The following APLP1 variants were observed in gnomAD, a reference collection of about 807,000 sequenced individuals.
The protein encoded by APLP1 is amyloid beta precursor like protein 1.
A neutral mutation model predicts 84.5 loss-of-function variants in APLP1; 46 were observed. That is an observed-to-expected ratio of 0.54 (90% confidence interval 0.43 to 0.70). The LOEUF is 0.70. APLP1 is among the 30% of genes least tolerant of loss of function. APLP1 has a pLI of 0.00. For synonymous variants in APLP1, 376 were observed against 364.0 expected, an observed-to-expected ratio of 1.03 and a Z score of -0.38; for missense variants, 826 against 900.2, an observed-to-expected ratio of 0.92 and a Z score of 1.05.
chr19:35,877,938 T>C (rs926292562), intron 12 of APLP1, 113 bp downstream of exon 12: 23 of 1,285,942 alleles, frequency 1.8e-5, no homozygotes, highest in Non-Finnish European at 2.2e-5. Context: ...TGGGAGAGGA[T>C]GAGGAGGAAC....
intron 2 of APLP1, 28 bp from the exon 3 acceptor site, chr19:35,870,868 G>C: frequency 6.3e-7 from 1 of 1,594,416 alleles, no homozygotes; most frequent in Non-Finnish European, 8.5e-7. Context: ...GGGGCAGTGG[G>C]CTGATTGCCC....
chr19:35,872,515 G>T lies in APLP1; in HGVS notation c.883G>T (p.Asp295Tyr). ...TPTPRPTDGV[D>Y]IYFGMPGEIS... ...CACCCCGAGGCCCACAGACGGTGTGGATATTTACTTTGGCATGCCTGGGGA... is the reference window on the plus strand; with the variant it reads ...CACCCCGAGGCCCACAGACGGTGTGTATATTTACTTTGGCATGCCTGGGGA... Residue 295 changes from aspartate to tyrosine, a missense_variant, in exon 7 of 17, where the codon GAT becomes TAT. Coordinates refer to ENST00000221891, the MANE Select transcript of APLP1 (RefSeq NM_001024807.3). 6.2e-7 allele frequency: 1 copy of T among 1,613,794 alleles called. No individual in the cohort carries two copies. The highest frequency in any genetic ancestry group is 8.5e-7 in the Non-Finnish European group (1 of 1,179,936).
At chr19:35,878,726 G>A (rs1487463585) in intron 14 of APLP1, 72 bp downstream of exon 14, 3 of 1,573,064 alleles carry the variant, frequency 1.9e-6, no homozygotes, top group Non-Finnish European at 2.6e-6. Context: ...TACGAGGGAG[G>A]AGATGCTGGG....
Position 35,879,466 on chromosome 19 carries a change from C to G in APLP1, c.*25C>G, listed in dbSNP as rs763171238. 1.9e-6 allele frequency: 3 copies of G among 1,605,444 alleles called. No homozygotes were observed. Among genetic ancestry groups the G allele is most frequent in the Non-Finnish European group, 2.6e-6 (3 of 1,174,116 alleles). On this transcript the variant is annotated 3_prime_UTR_variant, in exon 17 of 17. Transcript: ENST00000221891. ...ACCCGGCCCCCTTCACCCCTTCAGC[C>G]GAGCCCAGACCTCCCCTCTTCCTGG...
At position 35,874,379 on chromosome 19, in the gene APLP1, T is replaced by G; in HGVS notation, c.1057-125T>G. 8.3e-7 allele frequency: 1 copy of G among 1,207,216 alleles called. No individual in the cohort carries two copies. Among genetic ancestry groups the G allele is most frequent in the Non-Finnish European group, 1.2e-6 (1 of 848,862 alleles). 74.8% of individuals were successfully genotyped at this position (1,207,216 alleles called of 1,614,324 possible). On this transcript the variant is annotated intron_variant, in intron 8 of 16. Coordinates refer to ENST00000221891, the MANE Select transcript of APLP1 (RefSeq NM_001024807.3). This position sits in a 1 kb window ranked among gnomAD's most constrained non-coding sequence, Gnocchi z 6.4. ...ACCCCTTCCAGTCCATAACCTTTGG[T>G]TCTGCCCAGGCCTGGACCCCTGGAA...
At chr19:35,875,828 A>G (rs1417706965) in intron 10 of APLP1, among the ~76,000 whole-genome samples, 1 of 151,048 alleles carries the variant, frequency 6.6e-6, no homozygotes, top group Non-Finnish European at 1.5e-5. Context: ...CATGTTGCCC[A>G]GGCTGGTCTC....
chr19:35,871,104 C>T (rs1974134090), intron 3 of APLP1, 76 bp downstream of exon 3: 1 of 1,505,510 alleles, frequency 6.6e-7, no homozygotes, highest in East Asian at 2.5e-5. Flanking sequence ...TCTCTCAGGC[C>T]TACATTAAGG....
rs1274831079 is a variant in APLP1 at position 35,879,316 on chromosome 19, G to A, written c.1858-27G>A. On this transcript the variant is annotated intron_variant, in intron 16 of 16. Transcript: ENST00000221891. ...GGCAGTCCCGCCCCCGCACCACACT[G>A]TCCTTTCCCTCCCCTGCTCGTTGCA... 2.5e-6 allele frequency: 4 copies of A among 1,613,208 alleles called. No individual in the cohort carries two copies. In the South Asian group the frequency reaches 4.4e-5, roughly 18 times the overall value.
rs1207670740 is a variant in APLP1, at chr19:35,879,232, G to A, written c.1857+15G>A. 6 of 1,610,942 alleles carry A rather than the reference G, an allele frequency of 3.7e-6. No individual in the cohort carries two copies. Among genetic ancestry groups the A allele is most frequent in the Middle Eastern group, 3.3e-4 (2 of 6,054 alleles). On this transcript the variant is annotated intron_variant, in intron 16 of 16. Transcript: ENST00000221891. ...GCGTGGTGGAGGTGAGAACCATGGC[G>A]TGGTGGAGGTGTGGGAAGAGTTCCT...
chr19:35,871,692 G>T lies in APLP1; in HGVS notation c.618G>T (p.Glu206Asp). ...PCGSDRFRGV[E>D]YVCCPPPGTP... ...GCTCGGATCGGTTCCGTGGTGTGGA[G>T]TATGTGTGCTGTCCCCCTCCAGGGA... Residue 206 changes from glutamate to aspartate, a missense_variant, in exon 5 of 17, where the codon GAG (glutamate) becomes GAT (aspartate). Coordinates refer to ENST00000221891, the MANE Select transcript of APLP1 (RefSeq NM_001024807.3). 1 of 1,614,114 alleles carries T rather than the reference G, an allele frequency of 6.2e-7. No homozygotes were observed.
chr19:35,869,034 C>T, intron 1 of APLP1: 1 of 354,540 alleles, frequency 2.8e-6, no homozygotes, highest in Non-Finnish European at 5.0e-6. Context: ...AGTCCAGCCC[C>T]CTCTCCAGAC....
At chr19:35,871,136 G>A in intron 3 of APLP1, 101 bp from the exon 4 acceptor site, 1 of 1,522,686 alleles carries the variant, frequency 6.6e-7, no homozygotes, top group Non-Finnish European at 8.9e-7. Context: ...TGTGTCCTAA[G>A]TGGGGCAGAG....
chr19:35,869,060 C>G (rs2146898133), intron 1 of APLP1: 1 of 333,746 alleles, frequency 3.0e-6, no homozygotes, highest in South Asian at 1.1e-4. Flanking sequence ...TGACTCGGCC[C>G]CAACCCCCTC....
chr19:35,873,944 G>A (rs1255841084), intron 8 of APLP1, among the ~76,000 whole-genome samples: 1 of 152,158 alleles, frequency 6.6e-6, no homozygotes, highest in Non-Finnish European at 1.5e-5. Flanking sequence ...GACTTGACTT[G>A]CCTCTCAGGG....
intron 10 of APLP1, among the ~76,000 whole-genome samples, chr19:35,875,877 C>T (rs1974271548): frequency 6.6e-6 from 1 of 151,630 alleles, no homozygotes; most frequent in South Asian, 2.1e-4. Flanking sequence ...CCTCGGCCTC[C>T]CAAAGTGCTG....
At position 35,868,904 on chromosome 19, in the gene APLP1, C is replaced by G; in HGVS notation, c.147+121C>G. ...TCCAGCCAGGTGGTCAGCCCCCAGGCGCCCCCAATCACATTTATGAACCCA... is the reference window on the plus strand; with the variant it reads ...TCCAGCCAGGTGGTCAGCCCCCAGGGGCCCCCAATCACATTTATGAACCCA... On this transcript the variant is annotated intron_variant, in intron 1 of 16. Coordinates refer to ENST00000221891, the MANE Select transcript of APLP1 (RefSeq NM_001024807.3). The surrounding 1 kb of genome is among the most constrained non-coding windows in gnomAD (Gnocchi z 5.2). 1 of 869,106 alleles carries G rather than the reference C, an allele frequency of 1.2e-6. No homozygotes were observed. The highest frequency in any genetic ancestry group is 4.4e-5 in the Admixed American group (1 of 22,778). The allele number at this position is 869,106 out of a possible 1,614,324, so 53.8% of individuals were successfully genotyped here. A position where few individuals can be genotyped will look rare whatever the true frequency, so the allele number is the denominator to read the frequency against.
rs768870388 is a variant in APLP1, at chr19:35,878,925, C to G, written c.1686C>G (p.His562Gln). ...CTGTTCCAAGGGGTTTCCCTTTCCA[C>G]TCATCGGAGATTCAGAGGGATGAGC... The part of the protein sequence containing the change: ...NASVPRGFPF[H>Q]SSEIQRDELA... Residue 562 changes from histidine (H) to glutamine (Q), a missense_variant, in exon 15 of 17, where the codon CAC becomes CAG. Physicochemically the swap from His to Gln is conservative, Grantham distance 24. Around this residue, in one of 3 missense-constraint regions of APLP1, gnomAD observed 433 missense variants for 496.5 expected, o/e 0.87. Transcript: ENST00000221891. 4 of 1,614,034 alleles carry G rather than the reference C, an allele frequency of 2.5e-6. No homozygotes were observed. The East Asian group carries it at 6.7e-5, about 27-fold the overall frequency.
In APLP1 at chr19:35,875,275, C is replaced by CCTCA. The variant is rs1193042372; in HGVS notation, c.1344+407_1344+410dup. ...CTCCTGGGTTCAAGCAATTCTCCTG[C>CCTCA]CTCAGCCTCTCGAGTAGCTGGGATT... is the stretch of plus-strand genomic sequence containing the variant. On this transcript the variant is annotated intron_variant, in intron 10 of 16. Transcript: ENST00000221891. Among the ~76,000 whole-genome samples the CCTCA allele has an allele frequency of 2.0e-5, 3 of 151,306 alleles. No individual in the cohort carries two copies. The East Asian group carries it at 5.8e-4, about 29-fold the overall frequency.
intron 1 of APLP1, chr19:35,869,308 G>C: frequency 1.9e-6 from 1 of 531,964 alleles, no homozygotes; most frequent in Non-Finnish European, 3.3e-6. Flanking sequence ...ACGGGAGCCT[G>C]AGCAAGGGAT....
Sources: allele counts gnomAD v4.1 joint callset (sites outside exome capture counted in the v4.1 genomes callset), GRCh38; gene constraint gnomAD v4.1.1; regional missense constraint gnomAD v4.1.1; non-coding constraint Gnocchi (gnomAD v3.1); transcripts MANE v1.5; gene names NCBI Gene and HGNC (gene_info 2026-07-23, HGNC 2026-07-21).